WASF3: variants seen among roughly 807,000 people sequenced by gnomAD.
The protein encoded by WASF3 is actin-binding protein WASF3.
Under a neutral mutation model 46.6 loss-of-function variants are expected in WASF3, and 11 were observed. That is an observed-to-expected ratio of 0.24 (90% CI 0.15 to 0.39). The LOEUF (loss-of-function observed/expected upper bound fraction) is 0.39, where lower values mean the gene tolerates loss of function less well. WASF3 is among the 10% of genes least tolerant of loss of function. The probability of loss-of-function intolerance (pLI) is 1.00; values close to 1 mark genes in which losing one functional copy is unlikely to be tolerated. For missense variants in WASF3, 576 were observed against 669.8 expected, an observed-to-expected ratio of 0.86 and a Z score of 1.55; for synonymous variants, 242 against 259.7, an observed-to-expected ratio of 0.93 and a Z score of 0.65.
intron 1 of WASF3, among the ~76,000 whole-genome samples, chr13:26,562,716 T>G (rs1398152488): frequency 6.6e-6 from 1 of 151,874 alleles, no homozygotes; most frequent in African/African-American, 2.4e-5. Flanking sequence ...CTGTGGAACC[T>G]CATTGCTGTG....
intron 1 of WASF3, among the ~76,000 whole-genome samples, chr13:26,567,358 G>A (rs1879496273): frequency 6.6e-6 from 1 of 152,144 alleles, no homozygotes; most frequent in Non-Finnish European, 1.5e-5. Flanking sequence ...TGGTTGGTTA[G>A]TTCAAAATCA....
At chr13:26,625,426 G>A (rs777440993) in intron 2 of WASF3, among the ~76,000 whole-genome samples, 3 of 152,106 alleles carry the variant, frequency 2.0e-5, no homozygotes, top group South Asian at 2.1e-4. Flanking sequence ...CCAAAGACTC[G>A]AGGACCTGGG....
chr13:26,685,578 C>T, intron 9 of WASF3, 110 bp from the exon 10 acceptor site: 2 of 1,324,406 alleles, frequency 1.5e-6, no homozygotes, highest in Non-Finnish European at 2.1e-6. Flanking sequence ...CTAAAACTTT[C>T]TGTCCTTAGT....
intron 4 of WASF3, among the ~76,000 whole-genome samples, chr13:26,666,809 G>C (rs1263237873): frequency 7.5e-6 from 1 of 133,300 alleles, no homozygotes. Context: ...TGAGGCAGGA[G>C]AATGGCACGA....
intron 1 of WASF3, among the ~76,000 whole-genome samples, chr13:26,602,770 A>G (rs562517766): frequency 1.1e-4 from 16 of 152,344 alleles, no homozygotes; most frequent in African/African-American, 3.6e-4. Flanking sequence ...AAAAATTGTC[A>G]TGGTAATAAT....
Position 26,599,025 on chromosome 13 carries a change from C to T in WASF3, c.-108-13936C>T, listed in dbSNP as rs117761243. Among the ~76,000 whole-genome samples the T allele has an allele frequency of 9.0e-3, 1,367 of 152,164 alleles. 11 individuals are homozygous for T. The highest frequency in any genetic ancestry group is 0.017 in the Middle Eastern group (5 of 294). On this transcript the variant is annotated intron_variant, in intron 1 of 9. Transcript: ENST00000335327. Reference sequence around the variant, plus strand: ...AGCTGGGATTACACATGCATGCCACCGCGCCTGGCTAATTTTTGTATTTTT... The same window carrying T: ...AGCTGGGATTACACATGCATGCCACTGCGCCTGGCTAATTTTTGTATTTTT...
intron 1 of WASF3, among the ~76,000 whole-genome samples, chr13:26,574,770 G>A (rs1879742433): frequency 6.6e-6 from 1 of 151,436 alleles, no homozygotes; most frequent in South Asian, 2.1e-4. Flanking sequence ...TTTGATATCA[G>A]GAAGGTGGGA....
In WASF3 at chr13:26,571,909, G is replaced by A. The variant is rs1356775975; in HGVS notation, c.-109+14090G>A. ...TGTGTATAAATTTATAGATTTCTTTGTATAGGTTTTGAACATTTCTTATTG... is the reference window on the plus strand; with the variant it reads ...TGTGTATAAATTTATAGATTTCTTTATATAGGTTTTGAACATTTCTTATTG... On this transcript the variant is annotated intron_variant, in intron 1 of 9. Coordinates refer to ENST00000335327, the MANE Select transcript of WASF3 (RefSeq NM_006646.6). Among the ~76,000 whole-genome samples the A allele has an allele frequency of 3.3e-5, 5 of 152,292 alleles. No homozygotes were observed. The South Asian group carries it at 6.2e-4, about 19-fold the overall frequency.
At chr13:26,680,366 T>A (rs1277239691) in intron 7 of WASF3, among the ~76,000 whole-genome samples, 2 of 152,062 alleles carry the variant, frequency 1.3e-5, no homozygotes, top group African/African-American at 4.8e-5. Flanking sequence ...CACACTTGGG[T>A]CCTTCCTCTC....
intron 1 of WASF3, among the ~76,000 whole-genome samples, chr13:26,604,300 A>G (rs1593142875): frequency 6.6e-6 from 1 of 152,306 alleles, no homozygotes; most frequent in Non-Finnish European, 1.5e-5. Flanking sequence ...GTAAGTTGTT[A>G]TTAATAAATT....
At chr13:26,627,269 CTTTTTTT>C (rs56996940) in intron 2 of WASF3, among the ~76,000 whole-genome samples, 1 of 150,248 alleles carries the variant, frequency 6.7e-6, no homozygotes, top group Non-Finnish European at 1.5e-5. Context: ...TTATACTATA[CTTTTTTT>C]TTTATTTTCA....
chr13:26,575,851 A>G (rs1327404693), intron 1 of WASF3, among the ~76,000 whole-genome samples: 3 of 152,140 alleles, frequency 2.0e-5, no homozygotes, highest in East Asian at 3.8e-4. Context: ...ATCTTTTAGC[A>G]TGGAGGCCTC....
At chr13:26,678,638 C>G (rs1455606684) in intron 7 of WASF3, among the ~76,000 whole-genome samples, 1 of 151,750 alleles carries the variant, frequency 6.6e-6, no homozygotes, top group Non-Finnish European at 1.5e-5. Context: ...AGTAATATAC[C>G]GTAACCCATC....
At chr13:26,595,822 A>G (rs561675385) in intron 1 of WASF3, among the ~76,000 whole-genome samples, 2 of 152,314 alleles carry the variant, frequency 1.3e-5, no homozygotes, top group South Asian at 2.1e-4. Flanking sequence ...TTATGTATCA[A>G]TTGTTCATTC....
At chr13:26,558,308 C>T (rs1879168218) in intron 1 of WASF3, among the ~76,000 whole-genome samples, 2 of 152,142 alleles carry the variant, frequency 1.3e-5, no homozygotes, top group Non-Finnish European at 2.9e-5. Flanking sequence ...CCCATTCGGC[C>T]CTCGCCGCCC....
chr13:26,569,732 T>C (rs1051981184), intron 1 of WASF3, among the ~76,000 whole-genome samples: 15 of 151,986 alleles, frequency 9.9e-5, no homozygotes, highest in African/African-American at 3.4e-4. Flanking sequence ...GAATAGAAAA[T>C]AAATATACAG....
At chr13:26,554,087 CCTTCCTTCCTT>C (rs1879036501), upstream of WASF3, among the ~76,000 whole-genome samples, 2 of 102,660 alleles carry the variant, frequency 1.9e-5, no homozygotes, top group African/African-American at 8.3e-5. Flanking sequence ...TTCCTTCCTT[CCTTCCTTCCTT>C]CTTTCTTTCT....
intron 1 of WASF3, among the ~76,000 whole-genome samples, chr13:26,562,987 C>T (rs1230357823): frequency 1.3e-5 from 2 of 150,222 alleles, no homozygotes; most frequent in Non-Finnish European, 3.0e-5. Context: ...CACCTTTTGT[C>T]TTCCTTTCTC....
At chr13:26,676,461 T>C in intron 6 of WASF3, 88 bp from the exon 7 acceptor site, 1 of 1,424,570 alleles carries the variant, frequency 7.0e-7, no homozygotes, top group East Asian at 2.3e-5. Flanking sequence ...TCATCAGGCA[T>C]GGGCCTTGTG....
Sources: allele counts gnomAD v4.1 joint callset (sites outside exome capture counted in the v4.1 genomes callset), GRCh38; gene constraint gnomAD v4.1.1; transcripts MANE v1.5; gene names NCBI Gene and HGNC (gene_info 2026-07-23, HGNC 2026-07-21).